The following GNG13 variants were observed in gnomAD, a reference collection of about 807,000 sequenced individuals.
The protein encoded by GNG13 is guanine nucleotide-binding protein G(I)/G(S)/G(O) subunit gamma-13.
GNG13 carries 12 observed loss-of-function variants against 8.2 expected under a neutral mutation model. The observed-to-expected ratio is 1.47, with a 90% CI of 0.94 to 2.38. GNG13 has a LOEUF of 2.38. Among genes scored for constraint, GNG13 ranks in the 30% most tolerant of loss-of-function variants. The pLI is 0.00. For synonymous variants in GNG13, 45 were observed against 33.0 expected (o/e 1.37, Z -1.25); for missense variants, 100 against 85.2 (o/e 1.17, Z -0.68).
At position 798,540 on chromosome 16, in the gene GNG13, G is replaced by A. The variant is rs2042418444; in HGVS notation, c.*179C>T. 4.2e-6 allele frequency: 3 copies of A among 712,124 alleles called. No homozygotes were observed. The highest frequency in any genetic ancestry group is 7.7e-6 in the Non-Finnish European group (3 of 391,522). 44.1% of individuals were successfully genotyped at this position (712,124 alleles called of 1,614,324 possible). A position where few individuals can be genotyped will look rare whatever the true frequency, so the allele number is the denominator to read the frequency against. ...CAAGATGGAGTGAGTGGGGCCGGGA[G>A]TGGGGCTCACAGGTTGGTGTGAGTG... On this transcript the variant is annotated 3_prime_UTR_variant, in exon 3 of 3. Transcript: ENST00000248150.
Position 798,622 on chromosome 16 carries a change from G to GA in GNG13, c.*96dup, listed in dbSNP as rs1455629155. On this transcript the variant is annotated 3_prime_UTR_variant, in exon 3 of 3. Transcript: ENST00000248150. Reference sequence around the variant, plus strand: ...GTGGGGCTGGGAGTGGGACTCACAGGATGGAGTGAGTGGGGCTGGGCACAG... The same window carrying GA: ...GTGGGGCTGGGAGTGGGACTCACAGGAATGGAGTGAGTGGGGCTGGGCACAG... The GA allele has an allele frequency of 1.2e-6, 1 of 822,624 alleles. No individual in the cohort carries two copies. Among genetic ancestry groups the GA allele is most frequent in the East Asian group, 2.5e-5 (1 of 40,802 alleles). 51.0% of individuals were successfully genotyped at this position (822,624 alleles called of 1,614,324 possible). A position where few individuals can be genotyped will look rare whatever the true frequency, so the allele number is the denominator to read the frequency against.
chr16:800,015 C>T (rs1423254870), intron 1 of GNG13, among the ~76,000 whole-genome samples: 7 of 152,138 alleles, frequency 4.6e-5, no homozygotes, highest in African/African-American at 9.7e-5. Flanking sequence ...ATCCTTTGGT[C>T]GTGCAGCTGC....
chr16:799,021 C>T lies in GNG13; in HGVS notation c.57G>A (p.Gln19=), dbSNP rs754082151. 6 of 1,611,532 alleles carry T rather than the reference C, an allele frequency of 3.7e-6. No individual in the cohort carries two copies. The highest frequency in any genetic ancestry group is 1.7e-5 in the Admixed American group (1 of 60,018). The change falls in exon 2 of 3, where the codon CAG becomes CAA. Residue 19 remains glutamine, a synonymous_variant. Coordinates refer to ENST00000248150, the MANE Select transcript of GNG13 (RefSeq NM_016541.3). ...ACGCCATCTCCCGCTGGAAGGCCAGCTGGTACTTGAGGCTCTCCACCTCTT... is the reference window on the plus strand; with the variant it reads ...ACGCCATCTCCCGCTGGAAGGCCAGTTGGTACTTGAGGCTCTCCACCTCTT... ...MKKEVESLKY[Q]LAFQREMASK...
At position 798,660 on chromosome 16, in the gene GNG13, G is replaced by A; in HGVS notation, c.*59C>T. 4.0e-6 allele frequency: 4 copies of A among 1,006,038 alleles called. No individual in the cohort carries two copies. Among genetic ancestry groups the A allele is most frequent in the African/African-American group, 1.6e-5 (1 of 62,864 alleles). 62.3% of individuals were successfully genotyped at this position (1,006,038 alleles called of 1,614,324 possible). A position where few individuals can be genotyped will look rare whatever the true frequency, so the allele number is the denominator to read the frequency against. On this transcript the variant is annotated 3_prime_UTR_variant, in exon 3 of 3. Transcript: ENST00000248150. Reference sequence around the variant, plus strand: ...GGGCTGGGCACAGTCTTACAAGATGGTGGGAGTGGGGCCGGGCGTGGTCTC... The same window carrying A: ...GGGCTGGGCACAGTCTTACAAGATGATGGGAGTGGGGCCGGGCGTGGTCTC...
chr16:799,346 C>G (rs905982917), intron 1 of GNG13, among the ~76,000 whole-genome samples: 1 of 152,200 alleles, frequency 6.6e-6, no homozygotes, highest in Non-Finnish European at 1.5e-5. Flanking sequence ...ACTTTACATC[C>G]TCAGCTACTC....
intron 1 of GNG13, among the ~76,000 whole-genome samples, chr16:800,400 A>G (rs117886123): frequency 0.034 from 5,108 of 151,330 alleles, 224 homozygotes; most frequent in South Asian, 0.15. Flanking sequence ...CTGGCCACCC[A>G]CCCCGTGCAC....
chr16:800,487 C>G (rs889443327), intron 1 of GNG13, among the ~76,000 whole-genome samples, 179 bp downstream of exon 1: 2 of 152,336 alleles, frequency 1.3e-5, no homozygotes, highest in South Asian at 4.1e-4. Flanking sequence ...ACAGCTCCCC[C>G]GCACCGCGAG....
Position 798,720 on chromosome 16 carries a change from C to T in GNG13, c.203G>A (p.Ter68=), listed in dbSNP as rs2042420538. The T allele has an allele frequency of 6.3e-7, 1 of 1,592,908 alleles. No homozygotes were observed. The highest frequency in any genetic ancestry group is 8.6e-7 in the Non-Finnish European group (1 of 1,161,184). Residue 68 remains the stop codon, a stop_retained_variant, in exon 3 of 3, where the codon TGA becomes TAA. Transcript: ENST00000248150. ...TGTGAGAGGGGCCGGGTGCGGGGCT[C>T]ACAGGATGGTGCATTTGCCCTTTTC... is the stretch of plus-strand genomic sequence containing the variant. The part of the protein sequence containing the change: ...WVEKGKCTIL[*]
At chr16:799,465 C>T (rs553703928) in intron 1 of GNG13, among the ~76,000 whole-genome samples, 1 of 152,108 alleles carries the variant, frequency 6.6e-6, no homozygotes, top group South Asian at 2.1e-4. Flanking sequence ...CGCAGGCTGA[C>T]CCAGACCACG....
chr16:800,493 G>A (rs1019784997), intron 1 of GNG13, among the ~76,000 whole-genome samples, 173 bp downstream of exon 1: 5 of 152,202 alleles, frequency 3.3e-5, no homozygotes, highest in Admixed American at 6.5e-5. Flanking sequence ...CCCCCGCACC[G>A]CGAGAGCCGC....
At chr16:800,404 C>T (rs889579950) in intron 1 of GNG13, among the ~76,000 whole-genome samples, 11 of 152,184 alleles carry the variant, frequency 7.2e-5, no homozygotes, top group African/African-American at 2.2e-4. Context: ...CCACCCACCC[C>T]GTGCACCCCG....
At chr16:799,935 G>A (rs980330221) in intron 1 of GNG13, among the ~76,000 whole-genome samples, 2 of 152,048 alleles carry the variant, frequency 1.3e-5, no homozygotes, top group Admixed American at 1.3e-4. Context: ...AGGGTGGGTG[G>A]GGGTTGGCGT....
intron 1 of GNG13, among the ~76,000 whole-genome samples, chr16:800,299 G>GT (rs1567410469): frequency 1.3e-5 from 2 of 152,166 alleles, no homozygotes; most frequent in Admixed American, 6.5e-5. Flanking sequence ...GACTAGCTGC[G>GT]TGCGGGTCCT....
Position 798,976 on chromosome 16 carries a change from T to G in GNG13, c.98+4A>C, listed in dbSNP as rs1213039613. On this transcript the variant is annotated splice_donor_region_variant and intron_variant, in intron 2 of 2. Transcript: ENST00000248150. ...GAGGCAAATCAGGCAGGTGGGGCAC[T>G]CACTCGGGGATGGTCTTGGACGCCA... 3 of 1,564,500 alleles carry G rather than the reference T, an allele frequency of 1.9e-6. No individual in the cohort carries two copies. Among genetic ancestry groups the G allele is most frequent in the Non-Finnish European group, 2.6e-6 (3 of 1,135,320 alleles).
intron 1 of GNG13, among the ~76,000 whole-genome samples, chr16:800,430 A>G (rs1026990704): frequency 6.6e-6 from 1 of 152,024 alleles, no homozygotes; most frequent in Admixed American, 6.5e-5. Context: ...GCCCCCAGCC[A>G]CGGGACTCGG....
In GNG13 at chr16:800,123, TG is replaced by T. The variant is rs1211731644; in HGVS notation, c.-35+542del. ...CAGCCAGCAGAGGGTCTGCCCGTAG[TG>T]GGGTGGGAGGCCGGGGAGCGAGCGG... On this transcript the variant is annotated intron_variant, in intron 1 of 2. Coordinates refer to ENST00000248150, the MANE Select transcript of GNG13 (RefSeq NM_016541.3). Among the ~76,000 whole-genome samples the T allele has an allele frequency of 7.3e-5, 11 of 151,432 alleles. No individual in the cohort carries two copies. The East Asian group carries it at 2.2e-3, about 30-fold the overall frequency.
chr16:799,038 C>G lies in GNG13; in HGVS notation c.40G>C (p.Glu14Gln). Residue 14 changes from glutamate (E) to glutamine (Q), a missense_variant, in exon 2 of 3, where the codon GAG (glutamate) becomes CAG (glutamine). Transcript: ENST00000248150. ...WDVPQMKKEVESLKYQLAFQR... is the reference protein window; with the variant it reads ...WDVPQMKKEVQSLKYQLAFQR... Reference sequence around the variant, plus strand: ...AAGGCCAGCTGGTACTTGAGGCTCTCCACCTCTTTCTTCATCTGTGGCACG... The same window carrying G: ...AAGGCCAGCTGGTACTTGAGGCTCTGCACCTCTTTCTTCATCTGTGGCACG... 1 of 1,611,534 alleles carries G rather than the reference C, an allele frequency of 6.2e-7. No individual in the cohort carries two copies. The highest frequency in any genetic ancestry group is 8.5e-7 in the Non-Finnish European group (1 of 1,177,970).
At chr16:799,983 C>T (rs1461115223) in intron 1 of GNG13, among the ~76,000 whole-genome samples, 1 of 152,132 alleles carries the variant, frequency 6.6e-6, no homozygotes, top group Admixed American at 6.5e-5. Flanking sequence ...GTGAAGGGGG[C>T]TCCTGGCCCA....
chr16:800,116 C>CCCGTAGTGGGGTGGGAGG, intron 1 of GNG13, among the ~76,000 whole-genome samples: 1 of 149,876 alleles, frequency 6.7e-6, no homozygotes, highest in African/African-American at 2.5e-5. Flanking sequence ...AGAGGGTCTG[C>CCCGTAGTGGGGTGGGAGG]CCGTAGTGGG....
Sources: allele counts gnomAD v4.1 joint callset (sites outside exome capture counted in the v4.1 genomes callset), GRCh38; gene constraint gnomAD v4.1.1; transcripts MANE v1.5; gene names NCBI Gene and HGNC (gene_info 2026-07-23, HGNC 2026-07-21).